ASIC2: variants seen among roughly 807,000 people sequenced by gnomAD.
ASIC2 encodes the protein acid sensing ion channel subunit 2.
In ASIC2, 25 loss-of-function variants were observed where a neutral mutation model predicts 57.3. The ratio of observed to expected loss-of-function variants is 0.44; its 90% CI spans 0.32 to 0.61. ASIC2 has a LOEUF of 0.61. ASIC2 is among the 20% of genes least tolerant of loss of function. The pLI, the probability that ASIC2 is intolerant of heterozygous loss-of-function variation, is 0.06. For missense variants in ASIC2, 641 were observed against 738.1 expected, an observed-to-expected ratio of 0.87 and a Z score of 1.52; for synonymous variants, 319 against 307.5, an observed-to-expected ratio of 1.04 and a Z score of -0.39.
intron 1 of ASIC2, among the ~76,000 whole-genome samples, chr17:33,653,444 A>G (rs1906987489): frequency 6.6e-6 from 1 of 152,234 alleles, no homozygotes; most frequent in South Asian, 2.1e-4. Flanking sequence ...CTCAGCACAT[A>G]TTATTTACTG....
intron 1 of ASIC2, among the ~76,000 whole-genome samples, chr17:33,391,982 C>A (rs1909907655): frequency 6.6e-6 from 1 of 152,118 alleles, no homozygotes; most frequent in African/African-American, 2.4e-5. Context: ...TGCTTTTAAG[C>A]ACTGTACTCA....
chr17:34,030,315 C>T (rs1273665096), intron 1 of ASIC2, among the ~76,000 whole-genome samples: 3 of 152,150 alleles, frequency 2.0e-5, no homozygotes, highest in Non-Finnish European at 4.4e-5. Flanking sequence ...ATCCATAATC[C>T]ATCCATTCGA....
chr17:33,887,690 C>T (rs578096955), intron 1 of ASIC2, among the ~76,000 whole-genome samples: 4 of 152,274 alleles, frequency 2.6e-5, no homozygotes, highest in South Asian at 2.1e-4. Context: ...TAGGAAAAAT[C>T]ACCGGGTCAG....
chr17:34,141,882 A>T (rs766198103), intron 1 of ASIC2, among the ~76,000 whole-genome samples: 1 of 152,180 alleles, frequency 6.6e-6, no homozygotes. Context: ...TCTGGGGGGA[A>T]CAATGGCCCC....
intron 1 of ASIC2, among the ~76,000 whole-genome samples, chr17:33,355,923 G>T (rs764539553): frequency 2.6e-4 from 40 of 152,188 alleles, no homozygotes; most frequent in Non-Finnish European, 5.6e-4. Flanking sequence ...ATGATCAGGG[G>T]AAAAGGGATC....
rs1283109853 is a variant in ASIC2, at chr17:33,822,675, TTTGACAGGAAGA to T, written c.555+333291_555+333302del. Among the ~76,000 whole-genome samples, 3 of 152,266 alleles carry T rather than the reference TTTGACAGGAAGA, an allele frequency of 2.0e-5. No individual in the cohort carries two copies. In the East Asian group the frequency reaches 5.8e-4, roughly 29 times the overall value. On this transcript the variant is annotated intron_variant, in intron 1 of 9. Coordinates refer to the ASIC2 transcript ENST00000359872. ...GCTCTGATTCTTGTCCATATCAACTTTTGACAGGAAGAAGCAGACACAACAGAGGTAATGTTT... is the reference window on the plus strand; with the variant it reads ...GCTCTGATTCTTGTCCATATCAACTTAGCAGACACAACAGAGGTAATGTTT...
At chr17:33,814,312 G>A (rs1912515179) in intron 1 of ASIC2, among the ~76,000 whole-genome samples, 1 of 152,192 alleles carries the variant, frequency 6.6e-6, no homozygotes, top group African/African-American at 2.4e-5. Context: ...TGACTGAAGT[G>A]ACATCGGATG....
intron 3 of ASIC2, among the ~76,000 whole-genome samples, chr17:33,055,423 C>T (rs543659887): frequency 8.5e-5 from 13 of 152,256 alleles, no homozygotes; most frequent in African/African-American, 2.4e-4. Flanking sequence ...GCCAGCCTTC[C>T]GAGAACTTCC....
intron 1 of ASIC2, among the ~76,000 whole-genome samples, chr17:33,765,467 C>A (rs1910907890): frequency 6.6e-6 from 1 of 152,138 alleles, no homozygotes. Flanking sequence ...GACAAACCAA[C>A]CTTATCAACC....
chr17:33,288,838 G>T (rs1037593857), intron 1 of ASIC2, among the ~76,000 whole-genome samples: 4 of 152,066 alleles, frequency 2.6e-5, no homozygotes, highest in Non-Finnish European at 5.9e-5. Flanking sequence ...TAAGTCACTT[G>T]CCCAAGGGCA....
intron 1 of ASIC2, among the ~76,000 whole-genome samples, chr17:33,269,063 T>C (rs1286791375): frequency 1.3e-5 from 2 of 152,192 alleles, no homozygotes; most frequent in African/African-American, 4.8e-5. Flanking sequence ...CGTTGATATG[T>C]CTTTCTTCTG....
chr17:33,333,830 G>A lies in ASIC2; in HGVS notation c.556-221763C>T, dbSNP rs563012453. Among the ~76,000 whole-genome samples the A allele has an allele frequency of 9.1e-4, 139 of 152,296 alleles. 1 individual carries two copies. The highest frequency in any genetic ancestry group is 3.1e-3 in the African/African-American group (130 of 41,572). On this transcript the variant is annotated intron_variant, in intron 1 of 9. Transcript: ENST00000359872. ...TTATGGGTATAAAGGCTCCTGTCCC[G>A]CCAGGGACAGATTTGCATTTTGCAC...
intron 1 of ASIC2, among the ~76,000 whole-genome samples, chr17:33,275,365 T>A (rs6505332): frequency 0.34 from 51,026 of 151,998 alleles, 8,728 homozygotes; most frequent in Admixed American, 0.41. Flanking sequence ...ATCTTCGCAC[T>A]ATAACCTCAG....
intron 1 of ASIC2, among the ~76,000 whole-genome samples, chr17:33,609,267 AG>A (rs1403349245): frequency 4.6e-4 from 70 of 152,300 alleles, no homozygotes; most frequent in African/African-American, 1.6e-3. Context: ...TCTGCTTAAG[AG>A]ACACTGACGG....
chr17:33,619,044 G>A (rs1320649848), intron 1 of ASIC2, among the ~76,000 whole-genome samples: 4 of 152,088 alleles, frequency 2.6e-5, no homozygotes, highest in African/African-American at 9.7e-5. Context: ...CTGAAATAAT[G>A]TATGATAGAC....
At chr17:34,152,917 T>C (rs1165481222) in intron 1 of ASIC2, among the ~76,000 whole-genome samples, 1 of 147,974 alleles carries the variant, frequency 6.8e-6, no homozygotes, top group Non-Finnish European at 1.5e-5. Context: ...TCTTCTGCTT[T>C]TCCAGGAGGG....
chr17:33,580,668 C>T (rs1054035386), intron 1 of ASIC2, among the ~76,000 whole-genome samples: 3 of 152,100 alleles, frequency 2.0e-5, no homozygotes, highest in Admixed American at 1.3e-4. Flanking sequence ...ACCTCCTCCT[C>T]ACTCTTGTTT....
At chr17:33,637,622 A>C (rs572470808) in intron 1 of ASIC2, among the ~76,000 whole-genome samples, 1 of 152,286 alleles carries the variant, frequency 6.6e-6, no homozygotes, top group East Asian at 1.9e-4. Flanking sequence ...CATCATCTTG[A>C]ACACAATAAA....
intron 1 of ASIC2, among the ~76,000 whole-genome samples, chr17:33,826,413 A>C (rs1912913152): frequency 1.3e-5 from 2 of 152,192 alleles, no homozygotes; most frequent in African/African-American, 4.8e-5. Flanking sequence ...GGGCTATAGC[A>C]ACTCCAACCA....
Sources: gnomAD v4.1 joint callset for allele counts (sites outside exome capture counted in the v4.1 genomes callset) on GRCh38, gnomAD v4.1.1 for gene constraint, MANE v1.5 for transcripts, NCBI Gene and HGNC (gene_info 2026-07-23, HGNC 2026-07-21) for gene names.